The following RIPOR2 variants were observed in gnomAD, a reference collection of about 807,000 sequenced individuals.
RIPOR2 encodes rho family-interacting cell polarization regulator 2.
Under a neutral mutation model 114.5 loss-of-function variants are expected in RIPOR2, and 39 were observed. The ratio of observed to expected loss-of-function variants is 0.34; its 90% CI spans 0.26 to 0.44. RIPOR2 has a LOEUF of 0.44. RIPOR2 is among the 20% of genes least tolerant of loss of function. RIPOR2 has a pLI of 1.00. For missense variants in RIPOR2, 1,007 were observed against 1,255.1 expected, an observed-to-expected ratio of 0.80 and a Z score of 2.99; for synonymous variants, 445 against 484.4, an observed-to-expected ratio of 0.92 and a Z score of 1.07.
At chr6:24,934,515 A>G (rs1481597244) in intron 1 of RIPOR2, among the ~76,000 whole-genome samples, 5 of 152,226 alleles carry the variant, frequency 3.3e-5, no homozygotes, top group African/African-American at 4.8e-5. Flanking sequence ...TACATTCTAC[A>G]TGACTAGATT....
intron 15 of RIPOR2, among the ~76,000 whole-genome samples, chr6:24,835,142 A>G (rs912860522): frequency 6.6e-6 from 1 of 152,208 alleles, no homozygotes; most frequent in African/African-American, 2.4e-5. Context: ...TAAGTGGTAA[A>G]CAGCTTGAGA....
At chr6:25,034,532 A>T (rs1777148096) in intron 1 of RIPOR2, among the ~76,000 whole-genome samples, 1 of 152,160 alleles carries the variant, frequency 6.6e-6, no homozygotes, top group Admixed American at 6.5e-5. Flanking sequence ...AAAATTTGCT[A>T]TTCTGGTAAT....
chr6:24,900,088 GT>G (rs1460027054), intron 1 of RIPOR2, among the ~76,000 whole-genome samples: 2 of 152,224 alleles, frequency 1.3e-5, no homozygotes, highest in African/African-American at 4.8e-5. Flanking sequence ...TCTGTTTCGA[GT>G]TGCTAAGCCA....
intron 1 of RIPOR2, among the ~76,000 whole-genome samples, chr6:24,880,992 C>T (rs1766294673): frequency 1.3e-5 from 2 of 152,182 alleles, no homozygotes; most frequent in Admixed American, 1.3e-4. Context: ...GCCTGTAATC[C>T]CAGCACTTTG....
chr6:24,926,695 C>T (rs1167641496), intron 1 of RIPOR2, among the ~76,000 whole-genome samples: 7 of 152,240 alleles, frequency 4.6e-5, no homozygotes, highest in Middle Eastern at 3.4e-3. Flanking sequence ...ATTGTATAGA[C>T]TTGGGGGGCT....
chr6:24,862,981 CTCTA>C (rs1764223506), intron 7 of RIPOR2, among the ~76,000 whole-genome samples: 1 of 152,004 alleles, frequency 6.6e-6, no homozygotes. Context: ...GAGATAGAGT[CTCTA>C]TCTGTCACCC....
intron 1 of RIPOR2, among the ~76,000 whole-genome samples, chr6:25,003,161 A>C (rs1464934120): frequency 6.6e-6 from 1 of 152,222 alleles, no homozygotes; most frequent in Non-Finnish European, 1.5e-5. Flanking sequence ...TCGACCGTTC[A>C]CATAGGGTCG....
intron 1 of RIPOR2, among the ~76,000 whole-genome samples, chr6:24,958,512 GA>G (rs1384763233): frequency 6.6e-6 from 1 of 152,174 alleles, no homozygotes; most frequent in East Asian, 1.9e-4. Context: ...TTTAGCATGA[GA>G]GGGGGAGAAT....
At chr6:24,830,423 A>G (rs190824996) in intron 17 of RIPOR2, 86 bp downstream of exon 17, 249 of 1,109,236 alleles carry the variant, frequency 2.2e-4, no homozygotes, top group Middle Eastern at 1.5e-3. Context: ...GGCAAGTGGT[A>G]GGAGGACCCC....
rs370838230 is a variant in RIPOR2, at chr6:24,819,792, C to T, written c.2869-1167G>A. On this transcript the variant is annotated intron_variant, in intron 19 of 21. Coordinates refer to ENST00000643898, the MANE Select transcript of RIPOR2 (RefSeq NM_001286445.3). ...TTGGGATTACAGGCGTGAGCTACTG[C>T]ACCCGGCCAATTGTCTTATTTTTAC... Among the ~76,000 whole-genome samples, 49 of 151,298 alleles carry T rather than the reference C, an allele frequency of 3.2e-4. 1 individual carries two copies. In the South Asian group the frequency reaches 8.8e-3, roughly 27 times the overall value.
At chr6:24,962,401 C>T (rs549654139) in intron 1 of RIPOR2, among the ~76,000 whole-genome samples, 23 of 152,028 alleles carry the variant, frequency 1.5e-4, no homozygotes, top group South Asian at 2.1e-4. Flanking sequence ...GTTTGGAGGT[C>T]GGGGAGAATA....
chr6:24,893,355 G>A (rs1767551868), intron 1 of RIPOR2, among the ~76,000 whole-genome samples: 2 of 152,300 alleles, frequency 1.3e-5, no homozygotes, highest in East Asian at 1.9e-4. Context: ...GTAGGTGAGG[G>A]CAGTCTCAGA....
At chr6:24,879,815 C>T (rs979338285) in intron 1 of RIPOR2, among the ~76,000 whole-genome samples, 4 of 152,218 alleles carry the variant, frequency 2.6e-5, no homozygotes, top group African/African-American at 9.7e-5. Context: ...CCACTCCTAC[C>T]TCTTAGCATC....
intron 1 of RIPOR2, among the ~76,000 whole-genome samples, chr6:24,921,742 T>C (rs1475636945): frequency 9.2e-5 from 14 of 152,088 alleles, no homozygotes; most frequent in Non-Finnish European, 1.6e-4. Context: ...GCTGGGACTT[T>C]GTTATATTCA....
chr6:24,836,918 A>G (rs1394841621), intron 14 of RIPOR2, among the ~76,000 whole-genome samples: 11 of 152,166 alleles, frequency 7.2e-5, no homozygotes, highest in Admixed American at 7.2e-4. Context: ...TTTAATATCA[A>G]TGATGTATAA....
chr6:25,015,898 T>TTTG (rs1775961646), intron 1 of RIPOR2: 2 of 81,388 alleles, frequency 2.5e-5, no homozygotes, highest in Admixed American at 1.4e-4. Flanking sequence ...GTTTTTTGGT[T>TTTG]TTTTTTTTTT....
chr6:24,864,655 C>G (rs1297133783), intron 7 of RIPOR2, among the ~76,000 whole-genome samples: 1 of 152,104 alleles, frequency 6.6e-6, no homozygotes, highest in Non-Finnish European at 1.5e-5. Flanking sequence ...TTAGGTGACC[C>G]CAGGAGGAGT....
At chr6:25,027,591 T>TGGG (rs932357360) in intron 1 of RIPOR2, among the ~76,000 whole-genome samples, 3 of 152,226 alleles carry the variant, frequency 2.0e-5, no homozygotes, top group African/African-American at 7.2e-5. Context: ...GCAGGCCCCT[T>TGGG]GGGGGATGAG....
Position 24,809,707 on chromosome 6 carries a change from T to A in RIPOR2, c.3043+10A>T, listed in dbSNP as rs978857800. The A allele has an allele frequency of 4.6e-6, 7 of 1,518,032 alleles. No homozygotes were observed. Among genetic ancestry groups the A allele is most frequent in the African/African-American group, 4.1e-5 (3 of 72,420 alleles). The allele number at this position is 1,518,032 out of a possible 1,614,324, so 94.0% of individuals were successfully genotyped here. The stretch of plus-strand genomic sequence containing the variant: ...CAAACAATCATGTAAACAACAACAA[T>A]AAAACTCACCCAGAGACAAGAGGGT... On this transcript the variant is annotated intron_variant, in intron 21 of 21. Transcript: ENST00000643898.
Sources: gnomAD v4.1 joint callset for allele counts (sites outside exome capture counted in the v4.1 genomes callset) on GRCh38, gnomAD v4.1.1 for gene constraint, MANE v1.5 for transcripts, NCBI Gene and HGNC (gene_info 2026-07-23, HGNC 2026-07-21) for gene names.